Variants in SLC38A2 observed in about 807,000 individuals in gnomAD.
SLC38A2 encodes the protein solute carrier family 38 member 2.
Under a neutral mutation model 61.5 loss-of-function variants are expected in SLC38A2, and 11 were observed. The observed-to-expected ratio is 0.18, with a 90% CI of 0.11 to 0.30. The LOEUF (loss-of-function observed/expected upper bound fraction) is 0.30, where lower values mean the gene tolerates loss of function less well. Ranked by LOEUF, SLC38A2 falls within the 10% of genes least tolerant of loss-of-function variation. The pLI is 1.00. For synonymous variants in SLC38A2, 217 were observed against 212.5 expected (o/e 1.02, Z -0.18); for missense variants, 522 against 600.4 (o/e 0.87, Z 1.36).
In SLC38A2 at chr12:46,370,399, G is replaced by A. The variant is rs960188151; in HGVS notation, c.314+113C>T. On this transcript the variant is annotated intron_variant, in intron 4 of 15. Coordinates refer to ENST00000256689, the MANE Select transcript of SLC38A2 (RefSeq NM_018976.5). ...GGGTTTCTCATACTTTTAATTTTAA[G>A]CAAGTAACTTTTGAGTCAGCTACTC... 9.3e-6 allele frequency: 7 copies of A among 756,148 alleles called. No individual in the cohort carries two copies. The African/African-American group carries it at 1.2e-4, about 13-fold the overall frequency. 46.8% of individuals were successfully genotyped at this position (756,148 alleles called of 1,614,324 possible).
chr12:46,366,748 CA>C (rs1053738867), intron 7 of SLC38A2, 115 bp downstream of exon 7: 30 of 1,025,304 alleles, frequency 2.9e-5, no homozygotes, highest in Non-Finnish European at 4.0e-5. Context: ...TGGTCAGTTT[CA>C]AAAGGAACAT....
At chr12:46,362,838 G>GA in intron 13 of SLC38A2, 183 bp downstream of exon 13, 2 of 962,914 alleles carry the variant, frequency 2.1e-6, no homozygotes, top group Non-Finnish European at 1.5e-6. Flanking sequence ...ATCTTATGGT[G>GA]AAAAAAATGT....
At chr12:46,370,269 T>G (rs1186049118) in intron 4 of SLC38A2, among the ~76,000 whole-genome samples, 1 of 152,234 alleles carries the variant, frequency 6.6e-6, no homozygotes, top group Non-Finnish European at 1.5e-5. Flanking sequence ...CCCACTGACT[T>G]AGAAGACTTC....
chr12:46,365,533 A>C (rs1382190939), intron 7 of SLC38A2, among the ~76,000 whole-genome samples: 1 of 152,172 alleles, frequency 6.6e-6, no homozygotes, highest in East Asian at 1.9e-4. Flanking sequence ...CTTATCTTTA[A>C]GCACTTTCAG....
rs770268857 is a variant in SLC38A2 at position 46,364,510 on chromosome 12, A to C, written c.752T>G (p.Leu251Trp). The change falls in exon 10 of 16, where the codon TTG (leucine) becomes TGG (tryptophan). Residue 251 changes from leucine (L) to tryptophan (W), a missense_variant. Physicochemically the swap from Leu to Trp is moderately conservative, Grantham distance 61. This residue lies in a region of SLC38A2 where 309 missense variants were observed against 343.9 expected (regional missense o/e 0.90). Transcript: ENST00000256689. ...FQVPCPVEAA[L>W]IINETINTTL... ...GGTGTTTATTGTTTCGTTAATTATCAAAGCAGCTTCCACAGGACACGGAAC... is the reference window on the plus strand; with the variant it reads ...GGTGTTTATTGTTTCGTTAATTATCCAAGCAGCTTCCACAGGACACGGAAC... 1 of 1,612,302 alleles carries C rather than the reference A, an allele frequency of 6.2e-7. No individual in the cohort carries two copies. Among genetic ancestry groups the C allele is most frequent in the South Asian group, 1.1e-5 (1 of 90,664 alleles).
intron 12 of SLC38A2, 126 bp from the exon 13 acceptor site, chr12:46,363,271 T>C: frequency 1.8e-6 from 2 of 1,133,510 alleles, no homozygotes; most frequent in Middle Eastern, 2.5e-4. Flanking sequence ...AAGAGGCTAA[T>C]AAGATTTGTT....
At position 46,372,532 on chromosome 12, in the gene SLC38A2, A is replaced by C; in HGVS notation, c.-110T>G. 45 of 307,222 alleles carry C rather than the reference A, an allele frequency of 1.5e-4. No homozygotes were observed. The highest frequency in any genetic ancestry group is 9.0e-4 in the Middle Eastern group (1 of 1,112). The allele number at this position is 307,222 out of a possible 1,614,324, so 19.0% of individuals were successfully genotyped here. Reference sequence around the variant, plus strand: ...ACCTCGGTGGTCTCTATTCTCACGCAGACGTCTTCAGTGGGTTTCTCTCAG... The same window carrying C: ...ACCTCGGTGGTCTCTATTCTCACGCCGACGTCTTCAGTGGGTTTCTCTCAG... On this transcript the variant is annotated 5_prime_UTR_variant, in exon 1 of 16. Transcript: ENST00000256689.
At chr12:46,361,592 C>A (rs970613306) in intron 15 of SLC38A2, among the ~76,000 whole-genome samples, 3 of 152,110 alleles carry the variant, frequency 2.0e-5, no homozygotes, top group Non-Finnish European at 2.9e-5. Context: ...GAGGTCTTTC[C>A]AGGAAATACT....
chr12:46,361,185 C>A lies in SLC38A2; in HGVS notation c.1447G>T (p.Val483Leu), dbSNP rs142691083. Residue 483 changes from valine (V) to leucine (L), a missense_variant, in exon 16 of 16, where the codon GTA becomes TTA. Val to Leu is a conservative substitution (Grantham distance 32, BLOSUM62 1). Around this residue, in one of 3 missense-constraint regions of SLC38A2, gnomAD observed 309 missense variants for 343.9 expected, o/e 0.90. Transcript: ENST00000256689. ...IGALFFLLSG[V>L]LVMTGSMALI... ...GCCATGCTTCCGGTCATCACCAGTACACCACTTAACAGGAAGAACAAAGCC... is the reference window on the plus strand; with the variant it reads ...GCCATGCTTCCGGTCATCACCAGTAAACCACTTAACAGGAAGAACAAAGCC... The A allele has an allele frequency of 1.9e-5, 31 of 1,613,440 alleles. No individual in the cohort carries two copies. Among genetic ancestry groups the A allele is most frequent in the Non-Finnish European group, 2.5e-5 (29 of 1,179,642 alleles).
Position 46,360,335 on chromosome 12 carries a change from G to C in SLC38A2, c.*776C>G, listed in dbSNP as rs1332165047. ...GAATGAACCAAATTGTTTGGGGACAGAGAAGAAAAGTGATGAACAGAGTTC... is the reference window on the plus strand; with the variant it reads ...GAATGAACCAAATTGTTTGGGGACACAGAAGAAAAGTGATGAACAGAGTTC... On this transcript the variant is annotated 3_prime_UTR_variant, in exon 16 of 16. Transcript: ENST00000256689. The C allele has an allele frequency of 6.6e-6, 1 of 152,376 alleles. No individual in the cohort carries two copies. The highest frequency in any genetic ancestry group is 1.5e-5 in the Non-Finnish European group (1 of 68,008). The allele number at this position is 152,376 out of a possible 1,614,324, so 9.4% of individuals were successfully genotyped here.
chr12:46,363,721 C>A lies in SLC38A2; in HGVS notation c.1054+5G>T, dbSNP rs201700228. 6.5e-7 allele frequency: 1 copy of A among 1,541,544 alleles called. No homozygotes were observed. The highest frequency in any genetic ancestry group is 8.7e-7 in the Non-Finnish European group (1 of 1,150,438). ...TTTTGTTTTGGTAAAGGAGGCGTTA[C>A]TTACCGTAAAATGTTAGGTATCCAA... is the stretch of plus-strand genomic sequence containing the variant. On this transcript the variant is annotated splice_donor_5th_base_variant and intron_variant, in intron 12 of 15. Transcript: ENST00000256689.
chr12:46,359,759 G>C lies in SLC38A2; in HGVS notation c.*1352C>G, dbSNP rs1943061321. 6.6e-6 allele frequency: 1 copy of C among 152,578 alleles called. No individual in the cohort carries two copies. The highest frequency in any genetic ancestry group is 1.5e-5 in the Non-Finnish European group (1 of 68,032). The allele number at this position is 152,578 out of a possible 1,614,324, so 9.5% of individuals were successfully genotyped here. A position where few individuals can be genotyped will look rare whatever the true frequency, so the allele number is the denominator to read the frequency against. On this transcript the variant is annotated 3_prime_UTR_variant, in exon 16 of 16. Transcript: ENST00000256689. ...AAATGGAAGGGTTGACATGCAGTTG[G>C]ACCAAAATGACTACTAACACTCAGT...
rs1943073389 is a variant in SLC38A2, at chr12:46,360,869, T to C, written c.*242A>G. On this transcript the variant is annotated 3_prime_UTR_variant, in exon 16 of 16. Transcript: ENST00000256689. The stretch of plus-strand genomic sequence containing the variant: ...CATTCTCTGGAATGGAATAAAATTG[T>C]CACTTCCCTTAACCCGAGACTCGTG... The C allele has an allele frequency of 2.2e-6, 1 of 448,246 alleles. No individual in the cohort carries two copies. The highest frequency in any genetic ancestry group is 3.9e-6 in the Non-Finnish European group (1 of 253,934). The allele number at this position is 448,246 out of a possible 1,614,324, so 27.8% of individuals were successfully genotyped here. A position where few individuals can be genotyped will look rare whatever the true frequency, so the allele number is the denominator to read the frequency against.
In SLC38A2 at chr12:46,362,130, A is replaced by T. The variant is rs1422864814; in HGVS notation, c.1422+154T>A. ...AAACTATCTTTCCCCTTCCCTCTGC[A>T]ATCTTCCATCTGTGAAGTATACCAT... On this transcript the variant is annotated intron_variant, in intron 15 of 15. Transcript: ENST00000256689. The T allele has an allele frequency of 2.5e-5, 15 of 592,594 alleles. No individual in the cohort carries two copies. In the South Asian group the frequency reaches 3.7e-4, roughly 15 times the overall value. 36.7% of individuals were successfully genotyped at this position (592,594 alleles called of 1,614,324 possible).
chr12:46,362,728 G>A (rs1455149625), intron 13 of SLC38A2, 90 bp from the exon 14 acceptor site: 6 of 1,340,188 alleles, frequency 4.5e-6, no homozygotes, highest in African/African-American at 1.7e-5. Flanking sequence ...GAATGCCCAA[G>A]TAACAAGGAA....
intron 10 of SLC38A2, 87 bp downstream of exon 10, chr12:46,364,302 A>C (rs1239360101): frequency 1.3e-5 from 18 of 1,338,580 alleles, no homozygotes; most frequent in Admixed American, 2.5e-5. Context: ...AGCACCTATT[A>C]TCCTCCTCCC....
intron 5 of SLC38A2, 49 bp downstream of exon 5, chr12:46,367,218 A>G (rs771673445): frequency 1.3e-6 from 2 of 1,585,414 alleles, no homozygotes; most frequent in South Asian, 2.2e-5. Flanking sequence ...AAAGAGAAAT[A>G]AAATGATAGG....
In SLC38A2 at chr12:46,359,258, A is replaced by G. The variant is rs1943055858; in HGVS notation, c.*1853T>C. 1 of 152,598 alleles carries G rather than the reference A, an allele frequency of 6.6e-6. No homozygotes were observed. The highest frequency in any genetic ancestry group is 6.5e-5 in the Admixed American group (1 of 15,280). 9.5% of individuals were successfully genotyped at this position (152,598 alleles called of 1,614,324 possible). A position where few individuals can be genotyped will look rare whatever the true frequency, so the allele number is the denominator to read the frequency against. ...GAGTGCCTAAAGCCCAATTAAATGA[A>G]AGCAGTGCCGTAGAATCTGTCTTCC... On this transcript the variant is annotated 3_prime_UTR_variant, in exon 16 of 16. Coordinates refer to ENST00000256689, the MANE Select transcript of SLC38A2 (RefSeq NM_018976.5).
Position 46,371,162 on chromosome 12 carries a change from T to C in SLC38A2, c.116+16A>G, listed in dbSNP as rs765857779. On this transcript the variant is annotated intron_variant, in intron 2 of 15. Transcript: ENST00000256689. The stretch of plus-strand genomic sequence containing the variant: ...CATGCAAGCCGTTTTTTCAAAAGTG[T>C]CACAACTTCTCCCACCTTTTCAGAG... The C allele has an allele frequency of 6.2e-7, 1 of 1,612,390 alleles. No homozygotes were observed. Among genetic ancestry groups the C allele is most frequent in the South Asian group, 1.1e-5 (1 of 91,060 alleles).
Sources: gnomAD v4.1 joint callset for allele counts (sites outside exome capture counted in the v4.1 genomes callset) on GRCh38, gnomAD v4.1.1 for gene constraint, gnomAD v4.1.1 regional missense constraint, MANE v1.5 for transcripts, NCBI Gene and HGNC (gene_info 2026-07-23, HGNC 2026-07-21) for gene names.